The following ARHGAP5 variants were observed in gnomAD, a reference collection of about 807,000 sequenced individuals.
ARHGAP5 encodes Rho GTPase activating protein 5, also known as rho GTPase-activating protein 5.
ARHGAP5 carries 23 observed loss-of-function variants against 116.6 expected under a neutral mutation model. That is an observed-to-expected ratio of 0.20 (90% CI 0.14 to 0.28). The LOEUF (loss-of-function observed/expected upper bound fraction) is 0.28. Ranked by LOEUF, ARHGAP5 falls within the 10% of genes least tolerant of loss-of-function variation. The probability of loss-of-function intolerance (pLI) is 1.00; values close to 1 mark genes in which losing one functional copy is unlikely to be tolerated. For missense variants in ARHGAP5, 1,405 were observed against 1,774.8 expected, an observed-to-expected ratio of 0.79 and a Z score of 3.74; for synonymous variants, 574 against 602.0, an observed-to-expected ratio of 0.95 and a Z score of 0.68.
At chr14:32,112,523 C>T (rs866930106) in intron 2 of ARHGAP5, among the ~76,000 whole-genome samples, 4 of 152,144 alleles carry the variant, frequency 2.6e-5, no homozygotes, top group Non-Finnish European at 4.4e-5. Flanking sequence ...AGAAAAAAGA[C>T]GGCATTTGCA....
chr14:32,148,365 C>G (rs557896056), intron 4 of ARHGAP5, among the ~76,000 whole-genome samples: 2 of 152,140 alleles, frequency 1.3e-5, no homozygotes, highest in Admixed American at 1.3e-4. Flanking sequence ...CCACCACTGC[C>G]ACTATTTTTG....
chr14:32,113,131 AG>A (rs1879392341), intron 2 of ARHGAP5, among the ~76,000 whole-genome samples: 1 of 152,228 alleles, frequency 6.6e-6, no homozygotes, highest in South Asian at 2.1e-4. Flanking sequence ...GCTACACATC[AG>A]GAACTCTCAA....
chr14:32,149,649 G>A (rs1174178550), intron 4 of ARHGAP5, among the ~76,000 whole-genome samples: 1 of 151,962 alleles, frequency 6.6e-6, no homozygotes, highest in South Asian at 2.1e-4. Context: ...ACGGTCGCCT[G>A]TAATCCCAGC....
rs1329920585 is a variant in ARHGAP5 at position 32,093,792 on chromosome 14, A to G, written c.3123A>G (p.Lys1041=). The G allele has an allele frequency of 3.7e-6, 6 of 1,614,040 alleles. No homozygotes were observed. The East Asian group carries it at 1.1e-4, about 30-fold the overall frequency. The change falls in exon 2 of 7, where the codon AAA becomes AAG. Residue 1041 remains lysine, a synonymous_variant. Coordinates refer to ENST00000345122, the MANE Select transcript of ARHGAP5 (RefSeq NM_001030055.2). The part of the protein sequence containing the change: ...ERNHKVPPPI[K]PKPVVPKTNV... ...ACCATAAAGTGCCTCCACCTATTAA[A>G]CCTAAACCAGTTGTACCTAAGACAA...
At chr14:32,135,550 G>A (rs894131181) in intron 3 of ARHGAP5, among the ~76,000 whole-genome samples, 2 of 152,246 alleles carry the variant, frequency 1.3e-5, no homozygotes. Flanking sequence ...AGCCTCCTGA[G>A]TAGCTGGGTT....
intron 3 of ARHGAP5, among the ~76,000 whole-genome samples, chr14:32,144,747 G>C (rs151052111): frequency 6.6e-6 from 1 of 152,152 alleles, no homozygotes; most frequent in South Asian, 2.1e-4. Context: ...GCTTCCCAAA[G>C]TGCTGGGATT....
chr14:32,133,379 C>G (rs898563908), intron 3 of ARHGAP5, among the ~76,000 whole-genome samples: 6 of 152,020 alleles, frequency 3.9e-5, no homozygotes, highest in Admixed American at 3.9e-4. Flanking sequence ...TGATTTGGCT[C>G]TCTGTCTGTT....
chr14:32,141,585 C>T (rs2139129383), intron 3 of ARHGAP5, among the ~76,000 whole-genome samples: 1 of 152,150 alleles, frequency 6.6e-6, no homozygotes, highest in East Asian at 1.9e-4. Context: ...CTGCCATAAC[C>T]TTCGTTATTT....
chr14:32,109,417 C>A (rs1247364780), intron 2 of ARHGAP5, among the ~76,000 whole-genome samples: 1 of 151,998 alleles, frequency 6.6e-6, no homozygotes, highest in East Asian at 1.9e-4. Flanking sequence ...TATTATTGTA[C>A]CTGTTATGCA....
chr14:32,095,939 G>GA (rs1566663555), intron 2 of ARHGAP5, among the ~76,000 whole-genome samples: 2 of 149,914 alleles, frequency 1.3e-5, no homozygotes, highest in African/African-American at 4.9e-5. Context: ...TTATTTTTGT[G>GA]TTTTTTTTTC....
intron 3 of ARHGAP5, among the ~76,000 whole-genome samples, chr14:32,144,462 C>A (rs1192802291): frequency 1.3e-5 from 2 of 151,512 alleles, no homozygotes; most frequent in Non-Finnish European, 2.9e-5. Flanking sequence ...TATAAAATTT[C>A]TATTCATTTA....
chr14:32,158,798 T>G lies in ARHGAP5; in HGVS notation c.*3850T>G, dbSNP rs1485230275. On this transcript the variant is annotated 3_prime_UTR_variant, in exon 7 of 7. Transcript: ENST00000345122. The stretch of plus-strand genomic sequence containing the variant: ...CAAATCATTTTCTTAGGATAGCATC[T>G]TTACATACAATGAGAGGATTGTACA... 1 of 152,000 alleles carries G rather than the reference T, an allele frequency of 6.6e-6. No homozygotes were observed. The highest frequency in any genetic ancestry group is 1.9e-4 in the East Asian group (1 of 5,198). 9.4% of individuals were successfully genotyped at this position (152,000 alleles called of 1,614,324 possible).
rs1234625703 is a variant in ARHGAP5, at chr14:32,092,392, A to G, written c.1723A>G (p.Ser575Gly). The change falls in exon 2 of 7, where the codon AGT becomes GGT. Residue 575 changes from serine (S) to glycine (G), a missense_variant. This residue lies in a region of ARHGAP5 where 944 missense variants were observed against 1,095.3 expected (regional missense o/e 0.86). Transcript: ENST00000345122. This position sits in a 1 kb window ranked among gnomAD's most constrained non-coding sequence, Gnocchi z 4.1. ...DIKVEQLLAS[S>G]LLQLDHGRLR... ...TAAAGTGGAGCAGTTACTTGCTAGTAGTCTTTTACAGTTGGATCATGGCCG... is the reference window on the plus strand; with the variant it reads ...TAAAGTGGAGCAGTTACTTGCTAGTGGTCTTTTACAGTTGGATCATGGCCG... 6.2e-7 allele frequency: 1 copy of G among 1,613,400 alleles called. No homozygotes were observed. Among genetic ancestry groups the G allele is most frequent in the South Asian group, 1.1e-5 (1 of 90,932 alleles).
intron 2 of ARHGAP5, among the ~76,000 whole-genome samples, chr14:32,107,047 T>C (rs1432084249): frequency 6.6e-6 from 1 of 152,210 alleles, no homozygotes; most frequent in Non-Finnish European, 1.5e-5. Flanking sequence ...CGCATATTAT[T>C]TTGTATGTGC....
At chr14:32,122,486 G>A (rs1879936796) in intron 3 of ARHGAP5, among the ~76,000 whole-genome samples, 1 of 152,132 alleles carries the variant, frequency 6.6e-6, no homozygotes, top group Admixed American at 6.5e-5. Context: ...TTGAAGATAT[G>A]CTTTGAAGGA....
intron 1 of ARHGAP5, among the ~76,000 whole-genome samples, chr14:32,079,876 G>A (rs557995543): frequency 6.6e-6 from 1 of 152,078 alleles, no homozygotes; most frequent in African/African-American, 2.4e-5. Context: ...ATACCAAGAA[G>A]GTGTGTAGTA....
chr14:32,081,756 T>A (rs1211627748), intron 1 of ARHGAP5, among the ~76,000 whole-genome samples: 2 of 152,196 alleles, frequency 1.3e-5, no homozygotes, highest in Non-Finnish European at 2.9e-5. Flanking sequence ...GCTTCTGATA[T>A]GGCATAATTT....
At chr14:32,148,218 A>C (rs1881484617) in intron 4 of ARHGAP5, among the ~76,000 whole-genome samples, 2 of 133,720 alleles carry the variant, frequency 1.5e-5, no homozygotes, top group South Asian at 2.5e-4. Context: ...ATCTATGTAT[A>C]TCTATCTATA....
Position 32,092,556 on chromosome 14 carries a change from T to G in ARHGAP5, c.1887T>G (p.Ile629Met). 3.1e-6 allele frequency: 5 copies of G among 1,613,656 alleles called. No homozygotes were observed. Among genetic ancestry groups the G allele is most frequent in the Non-Finnish European group, 4.2e-6 (5 of 1,179,834 alleles). ...TDDEYALDGK[I>M]YELDLRPVDA... ...ATGAGTATGCCTTAGATGGAAAAAT[T>G]TATGAACTTGATCTTCGGCCGGTTG... is the stretch of plus-strand genomic sequence containing the variant. The change falls in exon 2 of 7, where the codon ATT becomes ATG. Residue 629 changes from isoleucine (I) to methionine (M), a missense_variant. Coordinates refer to ENST00000345122, the MANE Select transcript of ARHGAP5 (RefSeq NM_001030055.2). This position sits in a 1 kb window ranked among gnomAD's most constrained non-coding sequence, Gnocchi z 4.1.
Sources: allele counts gnomAD v4.1 joint callset (sites outside exome capture counted in the v4.1 genomes callset), GRCh38; gene constraint gnomAD v4.1.1; regional missense constraint gnomAD v4.1.1; non-coding constraint Gnocchi (gnomAD v3.1); transcripts MANE v1.5; gene names NCBI Gene and HGNC (gene_info 2026-07-23, HGNC 2026-07-21).